Variants in AP3M2 observed in about 807,000 individuals in gnomAD.
The protein encoded by AP3M2 is adaptor related protein complex 3 subunit mu 2.
A neutral mutation model predicts 41.6 loss-of-function variants in AP3M2; 28 were observed. The observed-to-expected ratio is 0.67, with a 90% CI of 0.50 to 0.92. The LOEUF (loss-of-function observed/expected upper bound fraction) is 0.92, where lower values mean the gene tolerates loss of function less well. Among genes scored for constraint, AP3M2 ranks in the 40% least tolerant of loss-of-function variants. The probability of loss-of-function intolerance (pLI) is 0.00; values close to 1 mark genes in which losing one functional copy is unlikely to be tolerated. For missense variants in AP3M2, 427 were observed against 521.4 expected (o/e 0.82, Z 1.76); for synonymous variants, 193 against 186.4 (o/e 1.04, Z -0.29).
Position 42,154,778 on chromosome 8 carries a change from T to C in AP3M2, c.91T>C (p.Tyr31His). 1 of 1,614,196 alleles carries C rather than the reference T, an allele frequency of 6.2e-7. No homozygotes were observed. Among genetic ancestry groups the C allele is most frequent in the Non-Finnish European group, 8.5e-7 (1 of 1,180,050 alleles). The part of the protein sequence containing the change: ...KSVVSRSVCD[Y>H]FFEAQERATE... ...TGTGGTCAGCCGTTCTGTTTGTGAT[T>C]ACTTTTTTGAGGCGCAAGAGAGAGC... The change falls in exon 2 of 9, where the codon TAC (tyrosine) becomes CAC (histidine). Residue 31 changes from tyrosine (Y) to histidine (H), a missense_variant. Tyr to His is a moderately conservative substitution (Grantham distance 83, BLOSUM62 2). This residue lies in a region of AP3M2 where 104 missense variants were observed against 93.8 expected (regional missense o/e 1.11). Coordinates refer to ENST00000396926, the MANE Select transcript of AP3M2 (RefSeq NM_006803.4).
At chr8:42,161,962 C>T (rs779980652) in intron 3 of AP3M2, 24 of 192,220 alleles carry the variant, frequency 1.2e-4, no homozygotes, top group Non-Finnish European at 2.1e-5. Flanking sequence ...ACGAACTCTA[C>T]TGAAAGCCAA....
chr8:42,166,312 G>A (rs894467367), intron 6 of AP3M2, among the ~76,000 whole-genome samples: 1 of 152,072 alleles, frequency 6.6e-6, no homozygotes, highest in East Asian at 1.9e-4. Context: ...GATTAAACAC[G>A]GTAGGAGTTA....
chr8:42,171,002 A>G lies in AP3M2; in HGVS notation c.*1941A>G, dbSNP rs1466963063. The stretch of plus-strand genomic sequence containing the variant: ...ACCTGCAGGTGTAAGCATAGATGAA[A>G]TAACTGTCCTGTCACATGTGCAGCA... On this transcript the variant is annotated 3_prime_UTR_variant, in exon 9 of 9. Transcript: ENST00000396926. 2 of 152,264 alleles carry G rather than the reference A, an allele frequency of 1.3e-5. No homozygotes were observed. Among genetic ancestry groups the G allele is most frequent in the Non-Finnish European group, 2.9e-5 (2 of 68,058 alleles). 9.4% of individuals were successfully genotyped at this position (152,264 alleles called of 1,614,324 possible). A position where few individuals can be genotyped will look rare whatever the true frequency, so the allele number is the denominator to read the frequency against.
intron 2 of AP3M2, 79 bp downstream of exon 2, chr8:42,155,039 A>G (rs565379347): frequency 3.3e-6 from 4 of 1,210,084 alleles, no homozygotes; most frequent in Non-Finnish European, 4.7e-6. Flanking sequence ...TAAAGCCTCC[A>G]TTAAGAAACT....
intron 4 of AP3M2, 79 bp downstream of exon 4, chr8:42,162,497 T>C: frequency 6.7e-7 from 1 of 1,489,642 alleles, no homozygotes; most frequent in Non-Finnish European, 9.0e-7. Flanking sequence ...GTTTCAGAAT[T>C]AACCCCCATT....
chr8:42,168,051 T>A, intron 8 of AP3M2: 1 of 595,028 alleles, frequency 1.7e-6, no homozygotes, highest in Non-Finnish European at 3.0e-6. Flanking sequence ...AAAGAAACAG[T>A]ATTGGTAGAA....
rs780151153 is a variant in AP3M2 at position 42,169,049 on chromosome 8, A to C, written c.1245A>C (p.Gln415His). ...IKYMTKAGKF[Q>H]VRT ...ACATGACCAAAGCTGGGAAGTTCCA[A>C]GTTCGAACCTGAAGGGAGCATTTGC... is the stretch of plus-strand genomic sequence containing the variant. Residue 415 changes from glutamine (Q) to histidine (H), a missense_variant, in exon 9 of 9, where the codon CAA becomes CAC. Gln to His is a conservative substitution (Grantham distance 24). This residue lies in a region of AP3M2 where 237 missense variants were observed against 284.9 expected (regional missense o/e 0.83). Transcript: ENST00000396926. 3 of 1,610,526 alleles carry C rather than the reference A, an allele frequency of 1.9e-6. No individual in the cohort carries two copies. The highest frequency in any genetic ancestry group is 4.5e-5 in the East Asian group (2 of 44,510).
chr8:42,158,997 G>A (rs1184784050), intron 3 of AP3M2, among the ~76,000 whole-genome samples: 1 of 152,098 alleles, frequency 6.6e-6, no homozygotes, highest in Non-Finnish European at 1.5e-5. Flanking sequence ...GTTTCATCAT[G>A]TTGACTATGC....
intron 6 of AP3M2, 111 bp downstream of exon 6, chr8:42,165,671 A>G: frequency 2.9e-6 from 4 of 1,366,828 alleles, no homozygotes; most frequent in Admixed American, 4.3e-5. Flanking sequence ...TTCACATTCC[A>G]GCTTCTGTGG....
At chr8:42,158,696 A>C (rs1804425803) in intron 3 of AP3M2, among the ~76,000 whole-genome samples, 1 of 152,258 alleles carries the variant, frequency 6.6e-6, no homozygotes. Flanking sequence ...TCAGAAATAC[A>C]GAAAAGCACA....
intron 4 of AP3M2, among the ~76,000 whole-genome samples, chr8:42,164,175 TTGGC>T (rs1228718276): frequency 1.9e-4 from 29 of 152,250 alleles, no homozygotes; most frequent in East Asian, 9.6e-4. Flanking sequence ...GAGCTGATCA[TTGGC>T]TGGATGTGGG....
chr8:42,169,941 CCTT>C lies in AP3M2; in HGVS notation c.*883_*885del, dbSNP rs1804750753. The C allele has an allele frequency of 4.6e-5, 7 of 152,338 alleles. No individual in the cohort carries two copies. In the South Asian group the frequency reaches 1.5e-3, roughly 32 times the overall value. 9.4% of individuals were successfully genotyped at this position (152,338 alleles called of 1,614,324 possible). A position where few individuals can be genotyped will look rare whatever the true frequency, so the allele number is the denominator to read the frequency against. On this transcript the variant is annotated 3_prime_UTR_variant, in exon 9 of 9. Transcript: ENST00000396926. ...ACCGGCCATTTTCCTGTTACCTGATCCTTCTACAGGATTTTTAAAAAGTAAGAG... is the reference window on the plus strand; with the variant it reads ...ACCGGCCATTTTCCTGTTACCTGATCCTACAGGATTTTTAAAAAGTAAGAG...
In AP3M2 at chr8:42,170,559, G is replaced by A. The variant is rs10958709; in HGVS notation, c.*1498G>A. ...GGTGCATGGAGAAAAAGGAAGACCC[G>A]TACTCTCCACACCCTAGAGCTTTTC... On this transcript the variant is annotated 3_prime_UTR_variant, in exon 9 of 9. Transcript: ENST00000396926. 49,205 of 152,116 alleles carry A rather than the reference G, an allele frequency of 0.32. 9,689 individuals carry two copies. The highest frequency in any genetic ancestry group is 0.45 in the East Asian group (2,322 of 5,166). 9.4% of individuals were successfully genotyped at this position (152,116 alleles called of 1,614,324 possible).
rs555414398 is a variant in AP3M2 at position 42,165,267 on chromosome 8, G to C, written c.669+111G>C. On this transcript the variant is annotated intron_variant, in intron 5 of 8. Coordinates refer to ENST00000396926, the MANE Select transcript of AP3M2 (RefSeq NM_006803.4). ...AAGAAGAAATAATTAGGACAGCCACGAAGCTTGTCTCAGGCTTGAATTTTC... is the reference window on the plus strand; with the variant it reads ...AAGAAGAAATAATTAGGACAGCCACCAAGCTTGTCTCAGGCTTGAATTTTC... 25 of 1,434,736 alleles carry C rather than the reference G, an allele frequency of 1.7e-5. No homozygotes were observed. In the South Asian group the frequency reaches 3.0e-4, roughly 17 times the overall value. 88.9% of individuals were successfully genotyped at this position (1,434,736 alleles called of 1,614,324 possible). A position where few individuals can be genotyped will look rare whatever the true frequency, so the allele number is the denominator to read the frequency against.
intron 4 of AP3M2, among the ~76,000 whole-genome samples, chr8:42,164,422 C>G (rs1804585368): frequency 6.6e-6 from 1 of 152,042 alleles, no homozygotes; most frequent in Non-Finnish European, 1.5e-5. Flanking sequence ...AACATTGAAG[C>G]CTTGGGAAGT....
chr8:42,162,515 A>T, intron 4 of AP3M2, 97 bp downstream of exon 4: 1 of 1,408,048 alleles, frequency 7.1e-7, no homozygotes, highest in Non-Finnish European at 9.6e-7. Context: ...ATTCAAGGTC[A>T]TCCACTTCAA....
intron 5 of AP3M2, 38 bp downstream of exon 5, chr8:42,165,194 G>A (rs1291967134): frequency 6.3e-7 from 1 of 1,585,698 alleles, no homozygotes. Flanking sequence ...CTTGGGATGA[G>A]AAATTAAATG....
rs10504050 is a variant in AP3M2, at chr8:42,169,746, A to C, written c.*685A>C. 1 of 152,226 alleles carries C rather than the reference A, an allele frequency of 6.6e-6. No homozygotes were observed. Among genetic ancestry groups the C allele is most frequent in the African/African-American group, 2.4e-5 (1 of 41,444 alleles). 9.4% of individuals were successfully genotyped at this position (152,226 alleles called of 1,614,324 possible). A position where few individuals can be genotyped will look rare whatever the true frequency, so the allele number is the denominator to read the frequency against. On this transcript the variant is annotated 3_prime_UTR_variant, in exon 9 of 9. Coordinates refer to ENST00000396926, the MANE Select transcript of AP3M2 (RefSeq NM_006803.4). Reference sequence around the variant, plus strand: ...CCCCAGTGGAATCAGATTTTCCCTCAAAGACCATGATGGTATCGGACTAGT... The same window carrying C: ...CCCCAGTGGAATCAGATTTTCCCTCCAAGACCATGATGGTATCGGACTAGT...
In AP3M2 at chr8:42,167,254, G is replaced by T. The variant is rs1163683500; in HGVS notation, c.894G>T (p.Lys298Asn). 1 of 1,614,132 alleles carries T rather than the reference G, an allele frequency of 6.2e-7. No individual in the cohort carries two copies. The change falls in exon 7 of 9, where the codon AAG becomes AAT. Residue 298 changes from lysine to asparagine, a missense_variant. Lys to Asn is a moderately conservative substitution (Grantham distance 94, BLOSUM62 0). Around this residue, in one of 3 missense-constraint regions of AP3M2, gnomAD observed 237 missense variants for 284.9 expected, o/e 0.83. Transcript: ENST00000396926. The stretch of plus-strand genomic sequence containing the variant: ...GCTTTGAAATAACGGTGGGACCCAA[G>T]CAGACGATGGGGAAGACCATTGAGG... The part of the protein sequence containing the change: ...LGRFEITVGP[K>N]QTMGKTIEGV...
Sources: gnomAD v4.1 joint callset for allele counts (sites outside exome capture counted in the v4.1 genomes callset) on GRCh38, gnomAD v4.1.1 for gene constraint, gnomAD v4.1.1 regional missense constraint, MANE v1.5 for transcripts, NCBI Gene and HGNC (gene_info 2026-07-23, HGNC 2026-07-21) for gene names.